Variants in PTPRD observed in about 807,000 individuals in gnomAD.
PTPRD encodes the protein protein tyrosine phosphatase receptor type D, also known as receptor-type tyrosine-protein phosphatase delta.
PTPRD carries 34 observed loss-of-function variants against 214.5 expected under a neutral mutation model. The observed-to-expected ratio is 0.16, with a 90% CI of 0.12 to 0.21. The LOEUF (loss-of-function observed/expected upper bound fraction) is 0.21, where lower values mean the gene tolerates loss of function less well. Ranked by LOEUF, PTPRD falls within the 10% of genes least tolerant of loss-of-function variation. PTPRD has a pLI of 1.00. For synonymous variants in PTPRD, 1,128 were observed against 845.7 expected, an observed-to-expected ratio of 1.33 and a Z score of -5.79; for missense variants, 2,545 against 2,398.7, an observed-to-expected ratio of 1.06 and a Z score of -1.27.
intron 9 of PTPRD, among the ~76,000 whole-genome samples, chr9:9,194,562 T>C (rs1176009092): frequency 1.3e-5 from 2 of 152,120 alleles, no homozygotes; most frequent in South Asian, 2.1e-4. Flanking sequence ...CACTGTCATG[T>C]ACTTGGTCTG....
At chr9:8,718,305 C>T (rs924757009) in intron 12 of PTPRD, among the ~76,000 whole-genome samples, 2 of 152,118 alleles carry the variant, frequency 1.3e-5, no homozygotes, top group African/African-American at 4.8e-5. Context: ...AAACTACAAG[C>T]TCTCTAGAGA....
chr9:9,247,881 A>C (rs1350805666), intron 9 of PTPRD, among the ~76,000 whole-genome samples: 2 of 151,988 alleles, frequency 1.3e-5, no homozygotes, highest in Non-Finnish European at 2.9e-5. Flanking sequence ...CATACATTTC[A>C]TTTGCATTTC....
chr9:10,211,978 G>A (rs1334288404), intron 3 of PTPRD, among the ~76,000 whole-genome samples: 1 of 152,084 alleles, frequency 6.6e-6, no homozygotes, highest in African/African-American at 2.4e-5. Context: ...GATACAGCAG[G>A]TCAATTTTGT....
At chr9:9,928,334 A>C (rs551521514) in intron 5 of PTPRD, among the ~76,000 whole-genome samples, 2 of 152,172 alleles carry the variant, frequency 1.3e-5, no homozygotes, top group African/African-American at 2.4e-5. Flanking sequence ...ATTTCATAAA[A>C]GGAAGATGCT....
chr9:8,989,354 T>A lies in PTPRD; in HGVS notation c.-104+29343A>T, dbSNP rs574017240. On this transcript the variant is annotated intron_variant, in intron 11 of 45. Transcript: ENST00000381196. ...ATACCCCTTAACCAATTTCTCTTCA[T>A]TCCTCCTTCCGCTTTTGCTTCTCAG... 4.5e-4 allele frequency among the ~76,000 whole-genome samples: 69 copies of A among 152,200 alleles called. 1 individual carries two copies. The South Asian group carries it at 0.014, about 31-fold the overall frequency.
chr9:9,683,056 T>C (rs1461435695), intron 7 of PTPRD, among the ~76,000 whole-genome samples: 3 of 151,822 alleles, frequency 2.0e-5, no homozygotes, highest in Non-Finnish European at 4.4e-5. Flanking sequence ...TTTTGAAAGA[T>C]AGGGGACTTA....
Position 9,716,034 on chromosome 9 carries a change from T to C in PTPRD, c.-287+18499A>G, listed in dbSNP as rs567953411. Among the ~76,000 whole-genome samples, 80 of 146,714 alleles carry C rather than the reference T, an allele frequency of 5.5e-4. No homozygotes were observed. The South Asian group carries it at 7.4e-3, about 14-fold the overall frequency. On this transcript the variant is annotated intron_variant, in intron 7 of 45. Transcript: ENST00000381196. Reference sequence around the variant, plus strand: ...CCACCCCACAACAGTCCCCAGAGTGTGATGTCCCCCTTCCTGTGTCCATGT... The same window carrying C: ...CCACCCCACAACAGTCCCCAGAGTGCGATGTCCCCCTTCCTGTGTCCATGT...
chr9:10,284,424 C>T (rs2095269427), intron 3 of PTPRD, among the ~76,000 whole-genome samples: 1 of 152,036 alleles, frequency 6.6e-6, no homozygotes, highest in Non-Finnish European at 1.5e-5. Flanking sequence ...GTAGAAAAAC[C>T]ATGTATGTGC....
At chr9:10,472,837 A>G (rs1331059096) in intron 2 of PTPRD, among the ~76,000 whole-genome samples, 2 of 152,104 alleles carry the variant, frequency 1.3e-5, no homozygotes, top group African/African-American at 4.8e-5. Flanking sequence ...CATTATAATT[A>G]TAACTCAAGT....
intron 35 of PTPRD, among the ~76,000 whole-genome samples, chr9:8,409,292 G>C (rs2093322670): frequency 6.6e-6 from 1 of 152,160 alleles, no homozygotes; most frequent in South Asian, 2.1e-4. Flanking sequence ...CTAGCAGGGA[G>C]AGAGGCCAGG....
chr9:8,935,897 T>C (rs2098993524), intron 11 of PTPRD, among the ~76,000 whole-genome samples: 1 of 152,188 alleles, frequency 6.6e-6, no homozygotes, highest in African/African-American at 2.4e-5. Flanking sequence ...TTCACAATCC[T>C]TGTGTCTCCA....
intron 11 of PTPRD, among the ~76,000 whole-genome samples, chr9:8,858,683 A>AGCTGGGCCC (rs950867723): frequency 1.0e-5 from 1 of 98,540 alleles, no homozygotes; most frequent in Admixed American, 1.0e-4. Flanking sequence ...ACGCGGGGAG[A>AGCTGGGCCC]GCTGGGCCCG....
At chr9:8,718,650 C>G (rs2098461525) in intron 12 of PTPRD, among the ~76,000 whole-genome samples, 1 of 152,156 alleles carries the variant, frequency 6.6e-6, no homozygotes, top group Admixed American at 6.5e-5. Context: ...AGTCCGCCTT[C>G]TCTATACAAT....
chr9:8,741,041 A>G (rs572950226), intron 11 of PTPRD, among the ~76,000 whole-genome samples: 11 of 152,314 alleles, frequency 7.2e-5, no homozygotes, highest in African/African-American at 2.4e-4. Flanking sequence ...TTCACTTTCC[A>G]AATTATTATT....
chr9:9,620,449 G>A (rs572413402), intron 7 of PTPRD, among the ~76,000 whole-genome samples: 2 of 152,206 alleles, frequency 1.3e-5, no homozygotes, highest in East Asian at 3.9e-4. Context: ...TTATGTAAGA[G>A]CTGTATCATC....
intron 12 of PTPRD, among the ~76,000 whole-genome samples, chr9:8,657,389 G>A (rs546062975): frequency 1.1e-3 from 162 of 152,016 alleles, no homozygotes; most frequent in African/African-American, 3.6e-3. Flanking sequence ...GGCTGGTCTC[G>A]AACTCCTGAC....
At chr9:9,208,341 C>T (rs1781225574) in intron 9 of PTPRD, among the ~76,000 whole-genome samples, 1 of 151,716 alleles carries the variant, frequency 6.6e-6, no homozygotes, top group Admixed American at 6.6e-5. Flanking sequence ...TAAAAAACAC[C>T]TTGGAGGACA....
At chr9:9,706,668 G>C (rs367681287) in intron 7 of PTPRD, among the ~76,000 whole-genome samples, 3 of 151,952 alleles carry the variant, frequency 2.0e-5, no homozygotes, top group South Asian at 4.1e-4. Flanking sequence ...TCGAATTCTT[G>C]ACCTCAGGTG....
At chr9:10,147,055 T>C (rs563335071) in intron 3 of PTPRD, among the ~76,000 whole-genome samples, 5 of 152,124 alleles carry the variant, frequency 3.3e-5, no homozygotes, top group South Asian at 4.2e-4. Context: ...ACCATTAACA[T>C]TGTCACAGAA....
Sources: allele counts gnomAD v4.1 joint callset (sites outside exome capture counted in the v4.1 genomes callset), GRCh38; gene constraint gnomAD v4.1.1; transcripts MANE v1.5; gene names NCBI Gene and HGNC (gene_info 2026-07-23, HGNC 2026-07-21).